The following TECPR2 variants were observed in gnomAD, a reference collection of about 807,000 sequenced individuals.
TECPR2 encodes tectonin beta-propeller repeat containing 2.
A neutral mutation model predicts 138.1 loss-of-function variants in TECPR2; 65 were observed. The observed-to-expected ratio is 0.47, with a 90% CI of 0.39 to 0.58. The LOEUF (loss-of-function observed/expected upper bound fraction) is 0.58, where lower values mean the gene tolerates loss of function less well. TECPR2 is among the 20% of genes least tolerant of loss of function. The pLI is 0.00. For synonymous variants in TECPR2, 746 were observed against 749.8 expected (o/e 0.99, Z 0.08); for missense variants, 1,553 against 1,824.5 (o/e 0.85, Z 2.71).
chr14:102,498,073 C>G (rs1567366647), intron 19 of TECPR2, 30 bp from the exon 20 acceptor site: 8 of 1,606,274 alleles, frequency 5.0e-6, no homozygotes, highest in Non-Finnish European at 6.8e-6. Flanking sequence ...GTGTGATTGA[C>G]AAGTATGTGA....
chr14:102,406,800 A>G (rs182546624), intron 2 of TECPR2, among the ~76,000 whole-genome samples: 46 of 152,094 alleles, frequency 3.0e-4, no homozygotes, highest in Non-Finnish European at 5.1e-4. Context: ...GCTGCAGTGA[A>G]CTGTGATTGC....
In TECPR2 at chr14:102,502,378, A is replaced by T. The variant is rs1291414732; in HGVS notation, c.*4121A>T. ...CTACTTGTGATCAGCAGCTGGTCAT[A>T]GTGGTTGCCTGGAGTATATGCCTTT... On this transcript the variant is annotated 3_prime_UTR_variant, in exon 20 of 20. Transcript: ENST00000359520. 1.3e-5 allele frequency: 2 copies of T among 152,682 alleles called. No homozygotes were observed. Among genetic ancestry groups the T allele is most frequent in the African/African-American group, 4.8e-5 (2 of 41,458 alleles). 9.5% of individuals were successfully genotyped at this position (152,682 alleles called of 1,614,324 possible). A position where few individuals can be genotyped will look rare whatever the true frequency, so the allele number is the denominator to read the frequency against.
At chr14:102,460,194 C>T (rs966003194) in intron 16 of TECPR2, among the ~76,000 whole-genome samples, 4 of 151,794 alleles carry the variant, frequency 2.6e-5, no homozygotes, top group Non-Finnish European at 5.9e-5. Flanking sequence ...CGCTTGAACC[C>T]GAGAGGCAGA....
intron 17 of TECPR2, among the ~76,000 whole-genome samples, chr14:102,482,199 C>T (rs186829563): frequency 1.3e-5 from 2 of 152,080 alleles, no homozygotes; most frequent in African/African-American, 2.4e-5. Flanking sequence ...GCTTAACAGG[C>T]GTGTGCCACC....
chr14:102,397,066 T>A (rs1315392532), intron 2 of TECPR2, among the ~76,000 whole-genome samples: 1 of 152,126 alleles, frequency 6.6e-6, no homozygotes, highest in African/African-American at 2.4e-5. Flanking sequence ...GAAAAGCAAC[T>A]GCATATAAGG....
In TECPR2 at chr14:102,428,342, T is replaced by C. The variant is rs770252014; in HGVS notation, c.1044T>C (p.Ile348=). Residue 348 remains isoleucine, a synonymous_variant, in exon 7 of 20, where the codon ATT becomes ATC. Coordinates refer to ENST00000359520, the MANE Select transcript of TECPR2 (RefSeq NM_014844.5). ...TTTTCTTGAAAGGAGATAGGAACATTATAAGAATTTCAAGCAGGCCTGAAG... is the reference window on the plus strand; with the variant it reads ...TTTTCTTGAAAGGAGATAGGAACATCATAAGAATTTCAAGCAGGCCTGAAG... The part of the protein sequence containing the change: ...EIFFLKGDRN[I]IRISSRPEGL... The C allele has an allele frequency of 6.2e-7, 1 of 1,611,516 alleles. No individual in the cohort carries two copies. Among genetic ancestry groups the C allele is most frequent in the Non-Finnish European group, 8.5e-7 (1 of 1,179,262 alleles).
At chr14:102,495,256 G>A (rs1024530951) in intron 17 of TECPR2, among the ~76,000 whole-genome samples, 6 of 152,160 alleles carry the variant, frequency 3.9e-5, no homozygotes, top group Non-Finnish European at 7.3e-5. Context: ...CCAGAATCAG[G>A]TGGGGGCAGG....
intron 1 of TECPR2, among the ~76,000 whole-genome samples, chr14:102,372,682 G>C (rs1456776996): frequency 6.6e-6 from 1 of 152,158 alleles, no homozygotes; most frequent in African/African-American, 2.4e-5. Flanking sequence ...CACTTTGGGA[G>C]GCCAAGGTGG....
chr14:102,400,247 T>C (rs1043866946), intron 2 of TECPR2, among the ~76,000 whole-genome samples: 2 of 152,172 alleles, frequency 1.3e-5, no homozygotes, highest in African/African-American at 4.8e-5. Context: ...GGTTTCTCCA[T>C]GTTGGCCGGG....
chr14:102,407,268 A>G, intron 2 of TECPR2, 70 bp from the exon 3 acceptor site: 1 of 1,515,954 alleles, frequency 6.6e-7, no homozygotes, highest in South Asian at 1.4e-5. Flanking sequence ...TCCTTTAGTA[A>G]TGTCCTCCTT....
At chr14:102,486,357 T>A (rs2083344293) in intron 17 of TECPR2, among the ~76,000 whole-genome samples, 1 of 152,210 alleles carries the variant, frequency 6.6e-6, no homozygotes, top group Non-Finnish European at 1.5e-5. Flanking sequence ...TGGAGTGCAG[T>A]GACACAATCT....
intron 10 of TECPR2, 82 bp downstream of exon 10, chr14:102,438,287 G>A: frequency 6.8e-7 from 1 of 1,477,580 alleles, no homozygotes; most frequent in East Asian, 2.4e-5. Context: ...AGACATCTTA[G>A]TACAGGGCTC....
In TECPR2 at chr14:102,433,118, T is replaced by G. The variant is rs542622731; in HGVS notation, c.1417+990T>G. ...CCAGAAGATCTATGCTGGTAAATAC[T>G]TGGGACATTTTATGTTTAGTGTTGA... On this transcript the variant is annotated intron_variant, in intron 8 of 19. Transcript: ENST00000359520. 2.0e-5 allele frequency among the ~76,000 whole-genome samples: 3 copies of G among 152,234 alleles called. No individual in the cohort carries two copies. The South Asian group carries it at 6.2e-4, about 32-fold the overall frequency.
intron 17 of TECPR2, among the ~76,000 whole-genome samples, chr14:102,477,292 C>T (rs1191592250): frequency 6.6e-6 from 1 of 151,904 alleles, no homozygotes; most frequent in Non-Finnish European, 1.5e-5. Context: ...ATTGCTTGAA[C>T]CTGAGAGGCA....
chr14:102,389,577 A>G (rs1888110047), intron 2 of TECPR2, among the ~76,000 whole-genome samples: 1 of 152,242 alleles, frequency 6.6e-6, no homozygotes, highest in African/African-American at 2.4e-5. Flanking sequence ...CAAAGGTGAT[A>G]CGACAAAGTC....
intron 2 of TECPR2, among the ~76,000 whole-genome samples, chr14:102,392,132 G>C (rs946610997): frequency 1.3e-5 from 2 of 151,990 alleles, no homozygotes; most frequent in Admixed American, 6.6e-5. Context: ...GGGATTACAG[G>C]TGCTCGCCAC....
chr14:102,469,241 T>C (rs1890612850), intron 17 of TECPR2, among the ~76,000 whole-genome samples: 1 of 152,234 alleles, frequency 6.6e-6, no homozygotes, highest in African/African-American at 2.4e-5. Context: ...TTAGATCTTC[T>C]TTACTTTCCT....
intron 2 of TECPR2, among the ~76,000 whole-genome samples, chr14:102,394,781 T>G (rs935997809): frequency 6.6e-6 from 1 of 152,212 alleles, no homozygotes; most frequent in Non-Finnish European, 1.5e-5. Flanking sequence ...TCCTGTTTTC[T>G]TTGTTGCTGC....
In TECPR2 at chr14:102,435,286, T is replaced by C. The variant is rs1014016954; in HGVS notation, c.2394+75T>C. On this transcript the variant is annotated intron_variant, in intron 9 of 19. Coordinates refer to ENST00000359520, the MANE Select transcript of TECPR2 (RefSeq NM_014844.5). ...GGTAATAATTGTCAAGACTGATTATTTTCCTTCTCATGGAAAGAAATTCTA... is the reference window on the plus strand; with the variant it reads ...GGTAATAATTGTCAAGACTGATTATCTTCCTTCTCATGGAAAGAAATTCTA... 9 of 1,496,092 alleles carry C rather than the reference T, an allele frequency of 6.0e-6. No homozygotes were observed. The African/African-American group carries it at 1.3e-4, about 21-fold the overall frequency. 92.7% of individuals were successfully genotyped at this position (1,496,092 alleles called of 1,614,324 possible).
Sources: allele counts gnomAD v4.1 joint callset (sites outside exome capture counted in the v4.1 genomes callset), GRCh38; gene constraint gnomAD v4.1.1; transcripts MANE v1.5; gene names NCBI Gene and HGNC (gene_info 2026-07-23, HGNC 2026-07-21).